PTPRD: variants seen among roughly 807,000 people sequenced by gnomAD.
PTPRD encodes the protein protein tyrosine phosphatase receptor type D.
PTPRD carries 34 observed loss-of-function variants against 214.5 expected under a neutral mutation model. The ratio of observed to expected loss-of-function variants is 0.16; its 90% CI spans 0.12 to 0.21. The LOEUF (loss-of-function observed/expected upper bound fraction) is 0.21, where lower values mean the gene tolerates loss of function less well. PTPRD is among the 10% of genes least tolerant of loss of function. PTPRD has a pLI of 1.00. For missense variants in PTPRD, 2,545 were observed against 2,398.7 expected, an observed-to-expected ratio of 1.06 and a Z score of -1.27; for synonymous variants, 1,128 against 845.7, an observed-to-expected ratio of 1.33 and a Z score of -5.79.
intron 12 of PTPRD, among the ~76,000 whole-genome samples, chr9:8,679,821 TTA>T (rs1243878164): frequency 6.6e-6 from 1 of 152,232 alleles, no homozygotes; most frequent in Non-Finnish European, 1.5e-5. Context: ...TTTGGATAGC[TTA>T]TGACTGTTGA....
At chr9:9,284,534 G>A (rs1948761606) in intron 9 of PTPRD, among the ~76,000 whole-genome samples, 1 of 151,774 alleles carries the variant, frequency 6.6e-6, no homozygotes, top group South Asian at 2.1e-4. Flanking sequence ...AAATGTCTCA[G>A]GTCCATTCCA....
chr9:9,401,123 G>A (rs2151323), intron 8 of PTPRD, among the ~76,000 whole-genome samples: 131,898 of 152,002 alleles, frequency 0.87, 57,345 homozygotes, highest in Middle Eastern at 0.88. Context: ...TTGACTTGTA[G>A]AACCAATTAT....
chr9:8,746,130 C>A (rs564932713), intron 11 of PTPRD, among the ~76,000 whole-genome samples: 1 of 151,722 alleles, frequency 6.6e-6, no homozygotes, highest in Non-Finnish European at 1.5e-5. Context: ...TAAATGTCAG[C>A]AAGGACATAT....
At chr9:10,455,677 C>G (rs1186327474) in intron 2 of PTPRD, among the ~76,000 whole-genome samples, 5 of 151,706 alleles carry the variant, frequency 3.3e-5, no homozygotes, top group Admixed American at 3.3e-4. Flanking sequence ...CATATTCATC[C>G]TTTGTTGAGA....
rs143039621 is a variant in PTPRD, at chr9:10,239,499, G to A, written c.-545+101464C>T. The stretch of plus-strand genomic sequence containing the variant: ...GCTTTTCATTTTAAGTGGGGGATTT[G>A]TACTAATAGGGTTGAACTTACACTT... On this transcript the variant is annotated intron_variant, in intron 3 of 45. Coordinates refer to ENST00000381196, the MANE Select transcript of PTPRD (RefSeq NM_002839.4). Among the ~76,000 whole-genome samples the A allele has an allele frequency of 2.1e-3, 324 of 152,000 alleles. 1 individual carries two copies. The highest frequency in any genetic ancestry group is 7.6e-3 in the African/African-American group (314 of 41,518).
chr9:9,391,539 G>A (rs1350204525), intron 9 of PTPRD, among the ~76,000 whole-genome samples: 1 of 151,942 alleles, frequency 6.6e-6, no homozygotes, highest in African/African-American at 2.4e-5. Context: ...TTTAATCAAG[G>A]CACTTCTTTG....
chr9:8,495,842 G>A (rs1174818205), intron 26 of PTPRD, among the ~76,000 whole-genome samples: 1 of 152,150 alleles, frequency 6.6e-6, no homozygotes, highest in Non-Finnish European at 1.5e-5. Context: ...ATGTGCATTG[G>A]CAGTAAATAT....
intron 4 of PTPRD, among the ~76,000 whole-genome samples, chr9:9,984,868 C>CA (rs1285192293): frequency 6.6e-6 from 1 of 152,054 alleles, no homozygotes; most frequent in Admixed American, 6.5e-5. Flanking sequence ...TCAGTGTCCT[C>CA]ACTCTCACAC....
chr9:10,136,277 A>T (rs1057231046), intron 3 of PTPRD, among the ~76,000 whole-genome samples: 1 of 152,116 alleles, frequency 6.6e-6, no homozygotes, highest in Non-Finnish European at 1.5e-5. Context: ...CAGCTGCACA[A>T]GAATAGTGGG....
At chr9:9,921,630 C>A (rs2082563318) in intron 5 of PTPRD, among the ~76,000 whole-genome samples, 1 of 146,112 alleles carries the variant, frequency 6.8e-6, no homozygotes. Flanking sequence ...AAATTAAAAG[C>A]CCTGATTTTT....
intron 25 of PTPRD, 128 bp downstream of exon 25, chr9:8,499,519 G>C: frequency 1.1e-6 from 1 of 896,706 alleles, no homozygotes; most frequent in Non-Finnish European, 1.7e-6. Flanking sequence ...ACATCAATGT[G>C]AAATGAAAAC....
chr9:9,516,569 T>C (rs668595), intron 8 of PTPRD, among the ~76,000 whole-genome samples: 56,103 of 151,034 alleles, frequency 0.37, 11,044 homozygotes, highest in Middle Eastern at 0.43. Context: ...GATGGATTCT[T>C]GCTCTGTTGC....
chr9:8,757,641 T>TATAC (rs932751676), intron 11 of PTPRD, among the ~76,000 whole-genome samples: 6 of 141,876 alleles, frequency 4.2e-5, no homozygotes, highest in African/African-American at 1.7e-4. Context: ...TATATATATA[T>TATAC]ACATACATAT....
intron 3 of PTPRD, among the ~76,000 whole-genome samples, chr9:10,273,455 G>C (rs1323503): frequency 1.3e-5 from 2 of 151,516 alleles, no homozygotes; most frequent in East Asian, 1.9e-4. Context: ...ATTAGAGTTA[G>C]ATAAAAATTT....
At chr9:8,739,791 C>A (rs1598416082) in intron 11 of PTPRD, among the ~76,000 whole-genome samples, 1 of 152,122 alleles carries the variant, frequency 6.6e-6, no homozygotes, top group Non-Finnish European at 1.5e-5. Context: ...TGGGAGATAA[C>A]TGAATTATAG....
intron 3 of PTPRD, among the ~76,000 whole-genome samples, chr9:10,169,985 T>C (rs1020767412): frequency 6.6e-6 from 1 of 151,982 alleles, no homozygotes; most frequent in Non-Finnish European, 1.5e-5. Context: ...TAAGGAAAAA[T>C]ATGTTCTCAA....
chr9:9,238,997 C>A lies in PTPRD; in HGVS notation c.-202-55634G>T, dbSNP rs527710160. On this transcript the variant is annotated intron_variant, in intron 9 of 45. Transcript: ENST00000381196. ...GTCTTTTTCATCACCAGTCTAAAAT[C>A]TAGCCCACAGCCTCCACAAGATTGA... 3.3e-5 allele frequency among the ~76,000 whole-genome samples: 5 copies of A among 152,212 alleles called. No homozygotes were observed. In the Middle Eastern group the frequency reaches 0.017, roughly 518 times the overall value.
chr9:9,048,448 C>G (rs1192478870), intron 10 of PTPRD, among the ~76,000 whole-genome samples: 1 of 152,090 alleles, frequency 6.6e-6, no homozygotes, highest in South Asian at 2.1e-4. Flanking sequence ...GTAAGACATA[C>G]ACACAATGGA....
chr9:8,336,495 G>C (rs1376679478), intron 43 of PTPRD, among the ~76,000 whole-genome samples: 1 of 81,998 alleles, frequency 1.2e-5, no homozygotes, highest in Non-Finnish European at 2.9e-5. Flanking sequence ...AAAACCCCTA[G>C]AAGAAAACCT....
Sources: gnomAD v4.1 joint callset for allele counts (sites outside exome capture counted in the v4.1 genomes callset) on GRCh38, gnomAD v4.1.1 for gene constraint, MANE v1.5 for transcripts, NCBI Gene and HGNC (gene_info 2026-07-23, HGNC 2026-07-21) for gene names.